Variants in SRP14 observed in about 807,000 individuals in gnomAD.
The protein encoded by SRP14 is signal recognition particle 14, also known as signal recognition particle 14 kDa protein.
SRP14 carries 1 observed loss-of-function variant against 16.0 expected under a neutral mutation model. The observed-to-expected ratio is 0.06, with a 90% CI of 0.02 to 0.30. The LOEUF is 0.30. Among genes scored for constraint, SRP14 ranks in the 10% least tolerant of loss-of-function variants. The pLI is 1.00. For synonymous variants in SRP14, 67 were observed against 60.1 expected (o/e 1.12, Z -0.53); for missense variants, 120 against 163.1 (o/e 0.74, Z 1.44).
chr15:40,038,833 G>T, intron 2 of SRP14, 43 bp downstream of exon 2: 1 of 1,604,818 alleles, frequency 6.2e-7, no homozygotes, highest in East Asian at 2.2e-5. Flanking sequence ...CCCAGACACC[G>T]GGAACCCAGG....
chr15:40,038,928 T>C lies in SRP14; in HGVS notation c.45A>G (p.Arg15=), dbSNP rs2035675389. The C allele has an allele frequency of 8.1e-6, 13 of 1,612,868 alleles. No homozygotes were observed. The East Asian group carries it at 2.9e-4, about 36-fold the overall frequency. The change falls in exon 2 of 5, where the codon AGA becomes AGG. Residue 15 remains arginine (R), a synonymous_variant. Transcript: ENST00000267884. Reference sequence around the variant, plus strand: ...CCGACGTCCGGCACTTCTGGAAAAGTCTGGTCAGCTCCGTCAGGAACTGGA... The same window carrying C: ...CCGACGTCCGGCACTTCTGGAAAAGCCTGGTCAGCTCCGTCAGGAACTGGA... ...ESEQFLTELT[R]LFQKCRTSGS...
rs1324234802 is a variant in SRP14, at chr15:40,036,340, G to A, written c.404C>T (p.Ala135Val). Residue 135 changes from alanine to valine, a missense_variant, in exon 5 of 5, where the codon GCA becomes GTA. By Grantham distance (64) the Ala-to-Val change is moderately conservative. This residue lies in a region of SRP14 where 43 missense variants were observed against 37.0 expected (regional missense o/e 1.16). Transcript: ENST00000267884. Reference sequence around the variant, plus strand: ...GCAGGAAATGTATGCCCTTTACTGTGCTGCTGTTGCTGCTGTTGTTGCTGC... The same window carrying A: ...GCAGGAAATGTATGCCCTTTACTGTACTGCTGTTGCTGCTGTTGTTGCTGC... Reference protein sequence around the residue: ...TTAATTAATAAQ With the variant: ...TTAATTAATAVQ 1 of 1,612,520 alleles carries A rather than the reference G, an allele frequency of 6.2e-7. No individual in the cohort carries two copies. Among genetic ancestry groups the A allele is most frequent in the Admixed American group, 1.7e-5 (1 of 59,980 alleles).
Position 40,039,112 on chromosome 15 carries a change from A to T in SRP14, c.5T>A (p.Val2Glu). Residue 2 changes from valine (V) to glutamate (E), a missense_variant, in exon 1 of 5, where the codon GTG becomes GAG. By Grantham distance (121) the Val-to-Glu change is moderately radical. Coordinates refer to ENST00000267884, the MANE Select transcript of SRP14 (RefSeq NM_003134.6). ...CCATACCTGCTCGCTCTCCAACAACACCATCGCGGCGACGCTGGCTCGACT... is the reference window on the plus strand; with the variant it reads ...CCATACCTGCTCGCTCTCCAACAACTCCATCGCGGCGACGCTGGCTCGACT... Reference protein sequence around the residue: MVLLESEQFLTE... With the variant: MELLESEQFLTE... 1 of 1,611,752 alleles carries T rather than the reference A, an allele frequency of 6.2e-7. No homozygotes were observed.
chr15:40,038,945 G>A lies in SRP14; in HGVS notation c.28C>T (p.Leu10=), dbSNP rs1317262413. 4 of 1,612,182 alleles carry A rather than the reference G, an allele frequency of 2.5e-6. No individual in the cohort carries two copies. The highest frequency in any genetic ancestry group is 2.2e-5 in the East Asian group (1 of 44,782). MVLLESEQF[L]TELTRLFQKC... is the part of the protein sequence containing the mutation. Reference sequence around the variant, plus strand: ...TGGAAAAGTCTGGTCAGCTCCGTCAGGAACTGGAAAACAACAGGCCCAGCC... The same window carrying A: ...TGGAAAAGTCTGGTCAGCTCCGTCAAGAACTGGAAAACAACAGGCCCAGCC... Residue 10 remains leucine, a synonymous_variant, in exon 2 of 5, where the codon CTG becomes TTG. Coordinates refer to ENST00000267884, the MANE Select transcript of SRP14 (RefSeq NM_003134.6).
rs1366636909 is a variant in SRP14, at chr15:40,038,781, T to C, written c.97+95A>G. 3.0e-6 allele frequency: 4 copies of C among 1,341,646 alleles called. No individual in the cohort carries two copies. The Admixed American group carries it at 5.6e-5, about 19-fold the overall frequency. The allele number at this position is 1,341,646 out of a possible 1,614,324, so 83.1% of individuals were successfully genotyped here. A position where few individuals can be genotyped will look rare whatever the true frequency, so the allele number is the denominator to read the frequency against. ...GTGCTCAGTACAGGGTGGGGAAAGG[T>C]AGAGGAAGGCGGCGGTCCGCGGCAG... On this transcript the variant is annotated intron_variant, in intron 2 of 4. Coordinates refer to ENST00000267884, the MANE Select transcript of SRP14 (RefSeq NM_003134.6).
Position 40,038,905 on chromosome 15 carries a change from G to A in SRP14, c.68C>T (p.Ser23Leu). The A allele has an allele frequency of 2.5e-6, 4 of 1,613,674 alleles. No individual in the cohort carries two copies. The highest frequency in any genetic ancestry group is 3.4e-6 in the Non-Finnish European group (4 of 1,179,868). The change falls in exon 2 of 5, where the codon TCG (serine) becomes TTG (leucine). Residue 23 changes from serine (S) to leucine (L), a missense_variant. Physicochemically the swap from Ser to Leu is moderately radical, Grantham distance 145. Coordinates refer to ENST00000267884, the MANE Select transcript of SRP14 (RefSeq NM_003134.6). ...LTRLFQKCRT[S>L]GSVYITLKKY... ...CTTCAAGGTGATATAGACGCTGCCCGACGTCCGGCACTTCTGGAAAAGTCT... is the reference window on the plus strand; with the variant it reads ...CTTCAAGGTGATATAGACGCTGCCCAACGTCCGGCACTTCTGGAAAAGTCT...
At position 40,036,081 on chromosome 15, in the gene SRP14, A is replaced by C; in HGVS notation, c.*252T>G. 1 of 546,198 alleles carries C rather than the reference A, an allele frequency of 1.8e-6. No individual in the cohort carries two copies. Among genetic ancestry groups the C allele is most frequent in the Non-Finnish European group, 3.1e-6 (1 of 319,848 alleles). The allele number at this position is 546,198 out of a possible 1,614,324, so 33.8% of individuals were successfully genotyped here. On this transcript the variant is annotated 3_prime_UTR_variant, in exon 5 of 5. Coordinates refer to ENST00000267884, the MANE Select transcript of SRP14 (RefSeq NM_003134.6). ...TTTAATGATAGCTTGCTCTTCACAGAGATGTCTACAGAGACTTTTAATCTA... is the reference window on the plus strand; with the variant it reads ...TTTAATGATAGCTTGCTCTTCACAGCGATGTCTACAGAGACTTTTAATCTA...
chr15:40,037,974 G>A (rs1244552433), intron 3 of SRP14, among the ~76,000 whole-genome samples: 1 of 152,168 alleles, frequency 6.6e-6, no homozygotes, highest in Non-Finnish European at 1.5e-5. Flanking sequence ...CTTATTGAAG[G>A]CCCAGCACAG....
At chr15:40,037,294 A>AAAAAAAAAAAAAAAAC in intron 3 of SRP14, 1 of 1,352,536 alleles carries the variant, frequency 7.4e-7, no homozygotes, top group Non-Finnish European at 9.5e-7. Context: ...AAAAAAAAAA[A>AAAAAAAAAAAAAAAAC]GCTTTGTTTC....
In SRP14 at chr15:40,036,988, T is replaced by C. The variant is rs1346042485; in HGVS notation, c.241A>G (p.Met81Val). ...CATAAGGAACACCCAAAACTCACCA[T>C]CTGAAACTTATTCACTTCCTTGGAG... ...VSSKEVNKFQMAYSNLLRANM... is the reference protein window; with the variant it reads ...VSSKEVNKFQVAYSNLLRANM... The change falls in exon 4 of 5, where the codon ATG (methionine) becomes GTG (valine). Residue 81 changes from methionine to valine, a missense_variant and splice_region_variant. Around this residue, in one of 3 missense-constraint regions of SRP14, gnomAD observed 44 missense variants for 93.1 expected, o/e 0.47. Transcript: ENST00000267884. 6.2e-7 allele frequency: 1 copy of C among 1,613,944 alleles called. No individual in the cohort carries two copies. The highest frequency in any genetic ancestry group is 8.5e-7 in the Non-Finnish European group (1 of 1,179,984).
chr15:40,038,823 C>G lies in SRP14; in HGVS notation c.97+53G>C, dbSNP rs1205256254. The G allele has an allele frequency of 1.9e-6, 3 of 1,591,040 alleles. No individual in the cohort carries two copies. The African/African-American group carries it at 4.0e-5, about 21-fold the overall frequency. ...CCGCGGCAGACAGACTCCGGTGGCT[C>G]CCAGACACCGGGAACCCAGGGAGCA... On this transcript the variant is annotated intron_variant, in intron 2 of 4. Transcript: ENST00000267884.
chr15:40,038,808 C>T, intron 2 of SRP14, 68 bp downstream of exon 2: 2 of 1,557,982 alleles, frequency 1.3e-6, no homozygotes, highest in Non-Finnish European at 1.8e-6. Flanking sequence ...CCGCGGCAGA[C>T]AGACTCCGGT....
chr15:40,038,382 G>A lies in SRP14; in HGVS notation c.110C>T (p.Thr37Ile). Residue 37 changes from threonine to isoleucine, a missense_variant, in exon 3 of 5, where the codon ACC (threonine) becomes ATC (isoleucine). Transcript: ENST00000267884. ...AGTACCCTTCTTTGGAATGGGTTTG[G>A]TTCGACCGTCATCTGAAGGAAAAAA... ...YITLKKYDGR[T>I]KPIPKKGTVE... is the part of the protein sequence containing the mutation. The A allele has an allele frequency of 6.2e-7, 1 of 1,613,720 alleles. No homozygotes were observed. Among genetic ancestry groups the A allele is most frequent in the Non-Finnish European group, 8.5e-7 (1 of 1,179,678 alleles).
At chr15:40,038,040 A>G (rs1338920026) in intron 3 of SRP14, among the ~76,000 whole-genome samples, 1 of 152,230 alleles carries the variant, frequency 6.6e-6, no homozygotes, top group Non-Finnish European at 1.5e-5. Flanking sequence ...TACTACGAAT[A>G]AGGACCAATA....
chr15:40,037,435 C>T, intron 3 of SRP14: 1 of 986,590 alleles, frequency 1.0e-6, no homozygotes, highest in South Asian at 1.7e-5. Flanking sequence ...CCCTCCCCAT[C>T]TTATTTTTAA....
rs192859468 is a variant in SRP14 at position 40,036,703 on chromosome 15, C to G, written c.244-203G>C. 33 of 676,770 alleles carry G rather than the reference C, an allele frequency of 4.9e-5. No homozygotes were observed. In the East Asian group the frequency reaches 8.6e-4, roughly 18 times the overall value. The allele number at this position is 676,770 out of a possible 1,614,324, so 41.9% of individuals were successfully genotyped here. On this transcript the variant is annotated intron_variant, in intron 4 of 4. Transcript: ENST00000267884. ...TGCAACACCCACAGACAGTTGCACA[C>G]ATTTTTTACGTTTTTTTCCAAGGGA...
chr15:40,039,062 C>G (rs371183414), intron 1 of SRP14, 31 bp downstream of exon 1: 176 of 1,608,910 alleles, frequency 1.1e-4, no homozygotes, highest in Non-Finnish European at 1.4e-4. Context: ...TGAGCCGCCC[C>G]CTTCCCTCGG....
In SRP14 at chr15:40,036,380, TTGCTGCTGCGGCAGGTGC is replaced by T. The variant is rs2035622030; in HGVS notation, c.346_363del (p.Ala116_Ala121del). 1 of 1,611,998 alleles carries T rather than the reference TTGCTGCTGCGGCAGGTGC, an allele frequency of 6.2e-7. No individual in the cohort carries two copies. Among genetic ancestry groups the T allele is most frequent in the African/African-American group, 1.3e-5 (1 of 74,558 alleles). ...GTTGTTGCTGCTGTTGTTGGTGCTG[TTGCTGCTGCGGCAGGTGC>T]TGCTGCTGCTGCTGCTGCTGCTGCT... On this transcript the variant is annotated inframe_deletion, in exon 5 of 5. Coordinates refer to ENST00000267884, the MANE Select transcript of SRP14 (RefSeq NM_003134.6).
intron 4 of SRP14, 65 bp from the exon 5 acceptor site, chr15:40,036,565 T>A (rs577050155): frequency 6.3e-4 from 963 of 1,529,512 alleles, no homozygotes; most frequent in Non-Finnish European, 8.2e-4. Context: ...ACCAGCCCTA[T>A]CTGCATAATG....
Sources: allele counts gnomAD v4.1 joint callset (sites outside exome capture counted in the v4.1 genomes callset), GRCh38; gene constraint gnomAD v4.1.1; regional missense constraint gnomAD v4.1.1; transcripts MANE v1.5; gene names NCBI Gene and HGNC (gene_info 2026-07-23, HGNC 2026-07-21).